PTPN9: variants seen among roughly 807,000 people sequenced by gnomAD.
PTPN9 encodes the protein protein tyrosine phosphatase non-receptor type 9, also known as tyrosine-protein phosphatase non-receptor type 9.
Under a neutral mutation model 69.8 loss-of-function variants are expected in PTPN9, and 26 were observed. The observed-to-expected ratio is 0.37, with a 90% CI of 0.27 to 0.52. PTPN9 has a LOEUF of 0.52. Ranked by LOEUF, PTPN9 falls within the 20% of genes least tolerant of loss-of-function variation. The pLI is 0.91. For synonymous variants in PTPN9, 274 were observed against 272.5 expected (o/e 1.01, Z -0.05); for missense variants, 549 against 740.3 (o/e 0.74, Z 3.00).
chr15:75,491,638 T>C (rs374400984), intron 7 of PTPN9, among the ~76,000 whole-genome samples: 5 of 152,118 alleles, frequency 3.3e-5, no homozygotes, highest in East Asian at 1.9e-4. Flanking sequence ...TACTATGGGC[T>C]CAGAAAAAGA....
intron 1 of PTPN9, among the ~76,000 whole-genome samples, chr15:75,536,515 G>C (rs1455386659): frequency 6.6e-6 from 1 of 152,114 alleles, no homozygotes; most frequent in Non-Finnish European, 1.5e-5. Flanking sequence ...GGATGAGTAG[G>C]AATCTGTCAG....
At chr15:75,499,076 A>T (rs1018978911) in intron 7 of PTPN9, among the ~76,000 whole-genome samples, 9 of 152,188 alleles carry the variant, frequency 5.9e-5, no homozygotes, top group African/African-American at 2.2e-4. Context: ...ATCTACAATT[A>T]TAAGAAAAAG....
intron 6 of PTPN9, among the ~76,000 whole-genome samples, chr15:75,507,095 C>T (rs1383658943): frequency 3.3e-5 from 5 of 152,140 alleles, no homozygotes; most frequent in Admixed American, 1.3e-4. Context: ...TGTATAATTC[C>T]TATAATTCAA....
chr15:75,518,822 A>G (rs58835397), intron 4 of PTPN9, among the ~76,000 whole-genome samples: 47 of 58,556 alleles, frequency 8.0e-4, no homozygotes, highest in African/African-American at 1.6e-3. Context: ...ATCTCAGGGG[A>G]AAAAAAAAAA....
intron 5 of PTPN9, among the ~76,000 whole-genome samples, chr15:75,516,108 C>T (rs1188892208): frequency 1.3e-5 from 2 of 151,916 alleles, no homozygotes; most frequent in South Asian, 4.1e-4. Context: ...CACATATGCA[C>T]CAGAAAACAT....
rs556932710 is a variant in PTPN9 at position 75,493,402 on chromosome 15, G to A, written c.969-3101C>T. ...ATCCAAAATAGGAATTTTAATAGAC[G>A]AGATAAAAGAGAAAGTTGAGGAAAT... is the stretch of plus-strand genomic sequence containing the variant. On this transcript the variant is annotated intron_variant, in intron 7 of 12. Coordinates refer to ENST00000618819, the MANE Select transcript of PTPN9 (RefSeq NM_002833.4). Among the ~76,000 whole-genome samples the A allele has an allele frequency of 4.9e-4, 74 of 152,042 alleles. 1 individual carries two copies. The highest frequency in any genetic ancestry group is 1.7e-3 in the African/African-American group (71 of 41,486).
intron 1 of PTPN9, among the ~76,000 whole-genome samples, chr15:75,532,357 G>A (rs148073535): frequency 1.6e-4 from 25 of 151,804 alleles, no homozygotes; most frequent in African/African-American, 5.1e-4. Flanking sequence ...ATCCAAGATC[G>A]TGCCACTGCA....
intron 1 of PTPN9, among the ~76,000 whole-genome samples, chr15:75,575,354 C>T (rs906569005): frequency 2.0e-5 from 3 of 152,094 alleles, no homozygotes; most frequent in Admixed American, 6.6e-5. Context: ...ATGTGTAAAC[C>T]GAATTTGATC....
chr15:75,550,841 G>A (rs1211028761), intron 1 of PTPN9, among the ~76,000 whole-genome samples: 1 of 151,970 alleles, frequency 6.6e-6, no homozygotes, highest in Non-Finnish European at 1.5e-5. Flanking sequence ...GTTGAGCAGG[G>A]TCTCACTGTG....
chr15:75,527,498 G>A (rs1404457243), intron 1 of PTPN9, among the ~76,000 whole-genome samples: 5 of 152,118 alleles, frequency 3.3e-5, no homozygotes, highest in Non-Finnish European at 7.3e-5. Flanking sequence ...AGGACTTAGT[G>A]CAGGTATGCA....
At chr15:75,559,582 T>TA (rs1178226831) in intron 1 of PTPN9, among the ~76,000 whole-genome samples, 2 of 152,066 alleles carry the variant, frequency 1.3e-5, no homozygotes, top group Non-Finnish European at 2.9e-5. Context: ...GCATGCTTGT[T>TA]AAGAGTCATC....
At chr15:75,490,456 A>AC (rs2074703057) in intron 7 of PTPN9, among the ~76,000 whole-genome samples, 155 bp from the exon 8 acceptor site, 1 of 152,204 alleles carries the variant, frequency 6.6e-6, no homozygotes, top group Admixed American at 6.5e-5. Context: ...ATATCATTTA[A>AC]CATTTTTTGT....
chr15:75,540,011 G>A (rs541067175), intron 1 of PTPN9, among the ~76,000 whole-genome samples: 33 of 152,212 alleles, frequency 2.2e-4, no homozygotes, highest in African/African-American at 7.5e-4. Flanking sequence ...TATATGTCAC[G>A]TTTTATTTAT....
chr15:75,489,104 G>A (rs1567476504), intron 8 of PTPN9, among the ~76,000 whole-genome samples: 1 of 150,960 alleles, frequency 6.6e-6, no homozygotes, highest in East Asian at 2.0e-4. Flanking sequence ...GAACCTGGGA[G>A]GTGGAGCTTG....
intron 1 of PTPN9, among the ~76,000 whole-genome samples, chr15:75,547,874 C>G (rs1457304355): frequency 1.3e-5 from 2 of 152,044 alleles, no homozygotes; most frequent in Non-Finnish European, 2.9e-5. Flanking sequence ...CCATATTAGC[C>G]AGGCTATTGT....
rs2141665271 is a variant in PTPN9, at chr15:75,463,487, T to A, written c.*5282A>T. On this transcript the variant is annotated 3_prime_UTR_variant, in exon 13 of 13. Coordinates refer to ENST00000618819, the MANE Select transcript of PTPN9 (RefSeq NM_002833.4). ...CTGAGAGGGGCACTGTACCGTTTTT[T>A]CCAACACCCCCAGCTAGGATTCTAG... 6.6e-6 allele frequency: 1 copy of A among 152,236 alleles called. No individual in the cohort carries two copies. Among genetic ancestry groups the A allele is most frequent in the East Asian group, 1.9e-4 (1 of 5,178 alleles). 9.4% of individuals were successfully genotyped at this position (152,236 alleles called of 1,614,324 possible).
At chr15:75,574,813 G>A (rs1250124524) in intron 1 of PTPN9, among the ~76,000 whole-genome samples, 3 of 150,856 alleles carry the variant, frequency 2.0e-5, no homozygotes, top group Admixed American at 2.0e-4. Context: ...GTGGTGGCGG[G>A]CGCCTGTAAT....
At chr15:75,577,791 G>C (rs1184307403) in intron 1 of PTPN9, among the ~76,000 whole-genome samples, 1 of 152,016 alleles carries the variant, frequency 6.6e-6, no homozygotes, top group Non-Finnish European at 1.5e-5. Flanking sequence ...TTTATAACAT[G>C]GAATCAGACT....
At chr15:75,554,731 G>A (rs188993447) in intron 1 of PTPN9, among the ~76,000 whole-genome samples, 18 of 152,264 alleles carry the variant, frequency 1.2e-4, no homozygotes, top group African/African-American at 4.3e-4. Context: ...GTACCTAAGA[G>A]ACTATTTGCA....
Sources: gnomAD v4.1 joint callset for allele counts (sites outside exome capture counted in the v4.1 genomes callset) on GRCh38, gnomAD v4.1.1 for gene constraint, MANE v1.5 for transcripts, NCBI Gene and HGNC (gene_info 2026-07-23, HGNC 2026-07-21) for gene names.